The following UGT2B4 variants were observed in gnomAD, a reference collection of about 807,000 sequenced individuals.
The protein encoded by UGT2B4 is UDP glucuronosyltransferase family 2 member B4.
In UGT2B4, 49 loss-of-function variants were observed where a neutral mutation model predicts 49.8. The observed-to-expected ratio is 0.98, with a 90% CI of 0.78 to 1.25. The LOEUF (loss-of-function observed/expected upper bound fraction) is 1.25. Among genes scored for constraint, UGT2B4 ranks in the 50% most tolerant of loss-of-function variants. The probability of loss-of-function intolerance (pLI) is 0.00; values close to 1 mark genes in which losing one functional copy is unlikely to be tolerated. For missense variants in UGT2B4, 729 were observed against 627.7 expected (o/e 1.16, Z -1.73); for synonymous variants, 246 against 217.7 (o/e 1.13, Z -1.14).
chr4:69,499,843 G>A (rs566307608), upstream of UGT2B4, among the ~76,000 whole-genome samples: 5 of 151,994 alleles, frequency 3.3e-5, no homozygotes, highest in South Asian at 1.0e-3. Context: ...TTTTAATTGG[G>A]GCATTTAGCC....
At chr4:69,506,936 A>T (rs1008429500) in intron 1 of UGT2B4, among the ~76,000 whole-genome samples, 9 of 152,218 alleles carry the variant, frequency 5.9e-5, no homozygotes, top group African/African-American at 2.2e-4. Flanking sequence ...AAATAAATAA[A>T]TGTGACTCTT....
In UGT2B4 at chr4:69,502,973, A is replaced by G. The variant is rs996671936; in HGVS notation, c.-105-7007T>C. 1.2e-3 allele frequency among the ~76,000 whole-genome samples: 22 copies of G among 18,216 alleles called. No homozygotes were observed. The Admixed American group carries it at 0.021, about 18-fold the overall frequency. The allele number at this position is 18,216 out of a possible 152,430, so 12.0% of individuals were successfully genotyped here. On this transcript the variant is annotated intron_variant, in intron 1 of 1. Transcript: ENST00000510114. ...TTGCATTGAGTGATTGCTGACCAGC[A>G]CCTCTCTGGGGGGATCCTCCAGGAG...
chr4:69,490,674 T>C (rs1273052076), intron 2 of UGT2B4, among the ~76,000 whole-genome samples: 1 of 152,174 alleles, frequency 6.6e-6, no homozygotes, highest in East Asian at 1.9e-4. Context: ...TTCCAAATGT[T>C]TATTTGCAGA....
At chr4:69,488,419 A>C (rs1727859023) in intron 3 of UGT2B4, among the ~76,000 whole-genome samples, 1 of 152,236 alleles carries the variant, frequency 6.6e-6, no homozygotes, top group African/African-American at 2.4e-5. Context: ...AAAATAATTT[A>C]CGGTGTTTAA....
chr4:69,496,179 C>T (rs916335185), upstream of UGT2B4, among the ~76,000 whole-genome samples: 17 of 152,132 alleles, frequency 1.1e-4, no homozygotes, highest in African/African-American at 1.9e-4. Context: ...CACCTGCCAC[C>T]GCACCCAGCT....
chr4:69,500,077 G>T (rs114724016), upstream of UGT2B4, among the ~76,000 whole-genome samples: 650 of 152,200 alleles, frequency 4.3e-3, 6 homozygotes, highest in African/African-American at 0.013. Flanking sequence ...AAACAAGAAT[G>T]AGATCATGTC....
intron 3 of UGT2B4, among the ~76,000 whole-genome samples, chr4:69,487,153 A>G (rs1281866827): frequency 6.6e-6 from 1 of 152,228 alleles, no homozygotes; most frequent in South Asian, 2.1e-4. Context: ...AAGTTCAACC[A>G]TTGTGGAAGA....
Position 69,522,776 on chromosome 4 carries a change from A to G in UGT2B4, c.-106+2911T>C, listed in dbSNP as rs552159308. On this transcript the variant is annotated intron_variant, in intron 1 of 1. Transcript: ENST00000510114. The stretch of plus-strand genomic sequence containing the variant: ...TATGAAAGAGTTCTCTTTAGCATGC[A>G]ATAGTGTCTGACAGCATTTTACCCA... 2.0e-3 allele frequency among the ~76,000 whole-genome samples: 310 copies of G among 152,284 alleles called. 3 individuals carry two copies. The highest frequency in any genetic ancestry group is 0.01 in the Middle Eastern group (3 of 294).
At chr4:69,494,983 T>C (rs1442643509) in intron 1 of UGT2B4, among the ~76,000 whole-genome samples, 158 bp downstream of exon 1, 2 of 152,186 alleles carry the variant, frequency 1.3e-5, no homozygotes, top group Non-Finnish European at 2.9e-5. Flanking sequence ...TTACATTTTC[T>C]ATAGTGCTTG....
chr4:69,525,717 G>T (rs1464748765), exon 1 of UGT2B4: 3 of 1,278,110 alleles, frequency 2.3e-6, no homozygotes, highest in Non-Finnish European at 3.1e-6. Flanking sequence ...ACATGTAAGA[G>T]AGCAAAAAAC....
chr4:69,510,888 G>A (rs1728586731), intron 1 of UGT2B4, among the ~76,000 whole-genome samples: 1 of 151,648 alleles, frequency 6.6e-6, no homozygotes, highest in Non-Finnish European at 1.5e-5. Flanking sequence ...GCCTTGTCCT[G>A]ATATTAGATA....
At chr4:69,525,715 G>A (rs1470487572) in exon 1 of UGT2B4, 3 of 1,278,376 alleles carry the variant, frequency 2.3e-6, no homozygotes, top group African/African-American at 1.5e-5. Flanking sequence ...AGACATGTAA[G>A]AGAGCAAAAA....
chr4:69,480,737 C>A lies in UGT2B4; in HGVS notation c.1484G>T (p.Gly495Val). The A allele has an allele frequency of 6.2e-7, 1 of 1,614,002 alleles. No homozygotes were observed. The highest frequency in any genetic ancestry group is 8.5e-7 in the Non-Finnish European group (1 of 1,179,950). Residue 495 changes from glycine (G) to valine (V), a missense_variant, in exon 6 of 6, where the codon GGG becomes GTG. By Grantham distance (109) the Gly-to-Val change is moderately radical. Transcript: ENST00000305107. The stretch of plus-strand genomic sequence containing the variant: ...AGTTGCCACACAGGCCAGCAGGAAC[C>A]CAGTCACATCCAAAGAGTGGTACTG... ...WFQYHSLDVT[G>V]FLLACVATVI...
chr4:69,496,156 G>A (rs1215989300), upstream of UGT2B4, among the ~76,000 whole-genome samples: 1 of 151,876 alleles, frequency 6.6e-6, no homozygotes, highest in Non-Finnish European at 1.5e-5. Context: ...GAGTAGCTGG[G>A]ACTACAGACA....
chr4:69,489,657 CAAG>C (rs1727922347), intron 2 of UGT2B4, 87 bp from the exon 3 acceptor site: 2 of 1,514,840 alleles, frequency 1.3e-6, no homozygotes, highest in Admixed American at 4.5e-5. Context: ...GAGAGAAAAT[CAAG>C]TTTTATCAGG....
In UGT2B4 at chr4:69,495,420, C is replaced by T. The variant is rs201663926; in HGVS notation, c.442G>A (p.Val148Ile). ...KKLQESRFDV[V>I]LADAVFPFGE... ...AAGGGGAAAACAGCATCTGCAAGAA[C>T]AACATCAAATCTTGACTCCTGTAGT... is the stretch of plus-strand genomic sequence containing the variant. The change falls in exon 1 of 6, where the codon GTT becomes ATT. Residue 148 changes from valine to isoleucine, a missense_variant. Transcript: ENST00000305107. 3.1e-6 allele frequency: 5 copies of T among 1,613,984 alleles called. No homozygotes were observed. The highest frequency in any genetic ancestry group is 4.2e-6 in the Non-Finnish European group (5 of 1,179,970).
intron 1 of UGT2B4, among the ~76,000 whole-genome samples, chr4:69,508,826 C>G (rs746796096): frequency 3.9e-5 from 6 of 152,152 alleles, no homozygotes; most frequent in Non-Finnish European, 8.8e-5. Flanking sequence ...CTATATAAAC[C>G]TGTACATGCA....
At chr4:69,481,487 G>C (rs1473674126) in intron 5 of UGT2B4, among the ~76,000 whole-genome samples, 1 of 152,154 alleles carries the variant, frequency 6.6e-6, no homozygotes, top group African/African-American at 2.4e-5. Context: ...TTAATTATTT[G>C]AGGCAGAGAA....
At chr4:69,494,640 G>T (rs1329826929) in intron 1 of UGT2B4, among the ~76,000 whole-genome samples, 1 of 152,072 alleles carries the variant, frequency 6.6e-6, no homozygotes, top group Non-Finnish European at 1.5e-5. Flanking sequence ...TTCTGAAATG[G>T]AGACATCATT....
Sources: allele counts gnomAD v4.1 joint callset (sites outside exome capture counted in the v4.1 genomes callset), GRCh38; gene constraint gnomAD v4.1.1; transcripts MANE v1.5; gene names NCBI Gene and HGNC (gene_info 2026-07-23, HGNC 2026-07-21).